Variants in EPB41L1 observed in about 807,000 individuals in gnomAD.
EPB41L1 encodes the protein erythrocyte membrane protein band 4.1 like 1.
In EPB41L1, 29 loss-of-function variants were observed where a neutral mutation model predicts 97.8. The observed-to-expected ratio is 0.30, with a 90% confidence interval of 0.22 to 0.40. The LOEUF (loss-of-function observed/expected upper bound fraction) is 0.40. Ranked by LOEUF, EPB41L1 falls within the 10% of genes least tolerant of loss-of-function variation. EPB41L1 has a pLI of 1.00. For synonymous variants in EPB41L1, 383 were observed against 459.2 expected (o/e 0.83, Z 2.12); for missense variants, 812 against 1,162.3 (o/e 0.70, Z 4.38).
rs1344978568 is a variant in EPB41L1 at position 36,207,996 on chromosome 20, C to T, written c.1669-1492C>T. Among the ~76,000 whole-genome samples the T allele has an allele frequency of 6.6e-6, 1 of 152,202 alleles. No individual in the cohort carries two copies. The highest frequency in any genetic ancestry group is 1.5e-5 in the Non-Finnish European group (1 of 68,042). Reference sequence around the variant, plus strand: ...CTCTGCTTGGCCCATGTTAGCTTGGCCACAAAGACCCTCAGCTTTTGGTGT... The same window carrying T: ...CTCTGCTTGGCCCATGTTAGCTTGGTCACAAAGACCCTCAGCTTTTGGTGT... On this transcript the variant is annotated intron_variant, in intron 14 of 21. Transcript: ENST00000338074. This position sits in a 1 kb window ranked among gnomAD's most constrained non-coding sequence, Gnocchi z 4.9.
rs1339494330 is a variant in EPB41L1 at position 36,226,845 on chromosome 20, A to G, written c.2638-2487A>G. 2.0e-5 allele frequency among the ~76,000 whole-genome samples: 3 copies of G among 152,298 alleles called. No individual in the cohort carries two copies. In the East Asian group the frequency reaches 5.8e-4, roughly 29 times the overall value. On this transcript the variant is annotated intron_variant, in intron 21 of 21. Coordinates refer to ENST00000338074, the MANE Select transcript of EPB41L1 (RefSeq NM_012156.2). Reference sequence around the variant, plus strand: ...TTACGAAGACATCCCACATACCCAGAATAATGATTACACTGACTTATAGGA... The same window carrying G: ...TTACGAAGACATCCCACATACCCAGGATAATGATTACACTGACTTATAGGA...
chr20:36,178,811 CT>C lies in EPB41L1; in HGVS notation c.490+142del. The stretch of plus-strand genomic sequence containing the variant: ...GTGGCTCATCCCTGTAATCCCAACA[CT>C]TTGCGAGGCTAAGGCGGGTGGATCA... On this transcript the variant is annotated intron_variant, in intron 5 of 21. Transcript: ENST00000338074. 3.2e-6 allele frequency: 3 copies of C among 946,388 alleles called. No individual in the cohort carries two copies. The South Asian group carries it at 3.9e-5, about 12-fold the overall frequency. The allele number at this position is 946,388 out of a possible 1,614,324, so 58.6% of individuals were successfully genotyped here.
Position 36,229,400 on chromosome 20 carries a change from G to A in EPB41L1, c.*60G>A. On this transcript the variant is annotated 3_prime_UTR_variant, in exon 22 of 22. Transcript: ENST00000338074. The stretch of plus-strand genomic sequence containing the variant: ...CCCAAGCCAGAGAACCATTAAGAAG[G>A]GGCCTTCATTCTGGATTCTCCGACG... 4 of 1,580,436 alleles carry A rather than the reference G, an allele frequency of 2.5e-6. No homozygotes were observed. The highest frequency in any genetic ancestry group is 1.7e-6 in the Non-Finnish European group (2 of 1,149,932).
rs574814863 is a variant in EPB41L1 at position 36,207,293 on chromosome 20, T to C, written c.1669-2195T>C. The C allele has an allele frequency of 7.8e-7, 1 of 1,282,296 alleles. No homozygotes were observed. Among genetic ancestry groups the C allele is most frequent in the South Asian group, 1.2e-5 (1 of 80,160 alleles). The allele number at this position is 1,282,296 out of a possible 1,614,324, so 79.4% of individuals were successfully genotyped here. Reference sequence around the variant, plus strand: ...GGAGGTGAGCGCAGGCCTCCTCCCATCACCAGCAGAAAGCCCAGAGTAGTC... The same window carrying C: ...GGAGGTGAGCGCAGGCCTCCTCCCACCACCAGCAGAAAGCCCAGAGTAGTC... On this transcript the variant is annotated intron_variant, in intron 14 of 21. Coordinates refer to ENST00000338074, the MANE Select transcript of EPB41L1 (RefSeq NM_012156.2). The surrounding 1 kb of genome is among the most constrained non-coding windows in gnomAD (Gnocchi z 4.9).
At chr20:36,125,664 G>A (rs2147710806) in intron 2 of EPB41L1, 1 of 1,361,784 alleles carries the variant, frequency 7.3e-7, no homozygotes, top group Non-Finnish European at 9.8e-7. Context: ...CAAGTGGAGT[G>A]GCAGGTGGGT....
intron 1 of EPB41L1, among the ~76,000 whole-genome samples, chr20:36,102,602 G>A (rs2058055482): frequency 6.6e-6 from 1 of 152,198 alleles, no homozygotes; most frequent in African/African-American, 2.4e-5. Context: ...GGTTCTGGAA[G>A]TCAGGTCTCC....
At chr20:36,135,981 G>A (rs188634686) in intron 2 of EPB41L1, among the ~76,000 whole-genome samples, 1 of 152,252 alleles carries the variant, frequency 6.6e-6, no homozygotes, top group African/African-American at 2.4e-5. Flanking sequence ...TAGGAAGGGC[G>A]TGCATATGAG....
At chr20:36,208,854 C>CAA (rs985518630) in intron 14 of EPB41L1, among the ~76,000 whole-genome samples, 1 of 152,162 alleles carries the variant, frequency 6.6e-6, no homozygotes, top group Non-Finnish European at 1.5e-5. Context: ...CTGTGGTCCA[C>CAA]TCATGGAGCC....
At chr20:36,200,912 C>A (rs2146600262) in intron 14 of EPB41L1, 1 of 456,744 alleles carries the variant, frequency 2.2e-6, no homozygotes, top group South Asian at 1.5e-5. Context: ...GGACTTGGTA[C>A]CTGAGCCTGG....
At chr20:36,095,849 C>T (rs1476187351) in intron 1 of EPB41L1, among the ~76,000 whole-genome samples, 1 of 152,038 alleles carries the variant, frequency 6.6e-6, no homozygotes. Context: ...TCGAGAGCAG[C>T]CTGGCCAATA....
intron 3 of EPB41L1, among the ~76,000 whole-genome samples, chr20:36,176,846 G>A (rs1318563298): frequency 2.0e-5 from 3 of 151,988 alleles, no homozygotes; most frequent in Admixed American, 2.0e-4. Flanking sequence ...TGCCCAGGCT[G>A]GTCTCAAACT....
chr20:36,158,445 C>T (rs77484969), intron 1 of EPB41L1, among the ~76,000 whole-genome samples: 3 of 152,172 alleles, frequency 2.0e-5, no homozygotes, highest in East Asian at 3.9e-4. Flanking sequence ...AGTCGGATTT[C>T]GATGGTTGAA....
rs190221024 is a variant in EPB41L1, at chr20:36,141,592, G to A, written c.-10+29112G>A. ...GGGGGCTCTAGTGAGATTCTAGGAG[G>A]GACCTTCAATGGTTCAGGCCAGAAG... On this transcript the variant is annotated intron_variant, in intron 2 of 19. Coordinates refer to the EPB41L1 transcript ENST00000202028. 3.3e-5 allele frequency among the ~76,000 whole-genome samples: 5 copies of A among 152,274 alleles called. No individual in the cohort carries two copies. The East Asian group carries it at 9.6e-4, about 29-fold the overall frequency.
intron 2 of EPB41L1, among the ~76,000 whole-genome samples, chr20:36,144,356 A>G (rs959804003): frequency 6.6e-6 from 1 of 152,116 alleles, no homozygotes; most frequent in African/African-American, 2.4e-5. Context: ...TACCTACAGT[A>G]GGCAGGATCA....
At chr20:36,198,123 C>T in intron 14 of EPB41L1, 82 bp downstream of exon 14, 1 of 1,276,294 alleles carries the variant, frequency 7.8e-7, no homozygotes, top group Middle Eastern at 2.5e-4. Flanking sequence ...CACTCATCCT[C>T]CACACCAATA....
chr20:36,126,913 C>T (rs1008033624), intron 2 of EPB41L1, among the ~76,000 whole-genome samples: 2 of 152,234 alleles, frequency 1.3e-5, no homozygotes, highest in Non-Finnish European at 2.9e-5. Flanking sequence ...CTGGGCTTGG[C>T]CCAGGCACCT....
chr20:36,131,392 G>C (rs1044056696), intron 2 of EPB41L1, among the ~76,000 whole-genome samples: 1 of 151,748 alleles, frequency 6.6e-6, no homozygotes, highest in African/African-American at 2.4e-5. Flanking sequence ...TTACAGGTGT[G>C]AGCCACCACA....
At position 36,093,123 on chromosome 20, in the gene EPB41L1, G is replaced by A. The variant is rs551427417; in HGVS notation, c.-65+1511G>A. Among the ~76,000 whole-genome samples, 197 of 152,200 alleles carry A rather than the reference G, an allele frequency of 1.3e-3. No homozygotes were observed. Among genetic ancestry groups the A allele is most frequent in the African/African-American group, 4.6e-3 (190 of 41,538 alleles). On this transcript the variant is annotated intron_variant, in intron 1 of 19. Coordinates refer to the EPB41L1 transcript ENST00000202028. The surrounding 1 kb of genome is among the most constrained non-coding windows in gnomAD (Gnocchi z 5.4). ...GTGTGCGCCGGGTGTGCATCTGTGTGTGCGTGTGTGAGGGTGTGTGCCTTG... is the reference window on the plus strand; with the variant it reads ...GTGTGCGCCGGGTGTGCATCTGTGTATGCGTGTGTGAGGGTGTGTGCCTTG...
chr20:36,144,507 A>G (rs1289638937), intron 2 of EPB41L1, among the ~76,000 whole-genome samples: 2 of 152,150 alleles, frequency 1.3e-5, no homozygotes, highest in Admixed American at 6.5e-5. Flanking sequence ...CTCCTGACTC[A>G]TTCCTTTAGA....
Sources: gnomAD v4.1 joint callset for allele counts (sites outside exome capture counted in the v4.1 genomes callset) on GRCh38, gnomAD v4.1.1 for gene constraint, Gnocchi (gnomAD v3.1) non-coding constraint, MANE v1.5 for transcripts, NCBI Gene and HGNC (gene_info 2026-07-23, HGNC 2026-07-21) for gene names.